The following IQSEC3 variants were observed in gnomAD, a reference collection of about 807,000 sequenced individuals.
IQSEC3 encodes the protein IQ motif and Sec7 domain ArfGEF 3.
In IQSEC3, 50 loss-of-function variants were observed where a neutral mutation model predicts 105.4. The ratio of observed to expected loss-of-function variants is 0.47; its 90% CI spans 0.38 to 0.60. The LOEUF (loss-of-function observed/expected upper bound fraction) is 0.60. Ranked by LOEUF, IQSEC3 falls within the 20% of genes least tolerant of loss-of-function variation. The probability of loss-of-function intolerance (pLI) is 0.00; values close to 1 mark genes in which losing one functional copy is unlikely to be tolerated. For missense variants in IQSEC3, 1,415 were observed against 1,630.0 expected, an observed-to-expected ratio of 0.87 and a Z score of 2.27; for synonymous variants, 708 against 746.0, an observed-to-expected ratio of 0.95 and a Z score of 0.83.
chr12:76,694 C>T (rs1374226806), intron 1 of IQSEC3, among the ~76,000 whole-genome samples: 2 of 152,260 alleles, frequency 1.3e-5, no homozygotes, highest in Non-Finnish European at 1.5e-5. Flanking sequence ...GCGTGAGCTC[C>T]TGGGAAGAAG....
chr12:169,867 T>C (rs768527627), intron 12 of IQSEC3, among the ~76,000 whole-genome samples: 5 of 152,182 alleles, frequency 3.3e-5, no homozygotes, highest in Non-Finnish European at 7.3e-5. Context: ...ATTAGTTAAC[T>C]CGGTCACTTA....
rs538975409 is a variant in IQSEC3, at chr12:138,714, G to A, written c.1351G>A (p.Ala451Thr). 10 of 1,505,460 alleles carry A rather than the reference G, an allele frequency of 6.6e-6. No individual in the cohort carries two copies. The East Asian group carries it at 2.0e-4, about 30-fold the overall frequency. The allele number at this position is 1,505,460 out of a possible 1,614,324, so 93.3% of individuals were successfully genotyped here. The change falls in exon 4 of 14, where the codon GCC becomes ACC. Residue 451 changes from alanine (A) to threonine (T), a missense_variant. Ala to Thr is a moderately conservative substitution (Grantham distance 58). Coordinates refer to ENST00000538872, the MANE Select transcript of IQSEC3 (RefSeq NM_001170738.2). The surrounding 1 kb of genome is among the most constrained non-coding windows in gnomAD (Gnocchi z 7.1). ...GGCCGCGGGGCCCCCAGGCCTGGAG[G>A]CCGAGGGGCGGGCGCCGGAGAGCGC... The part of the protein sequence containing the change: ...QAAAGPPGLE[A>T]EGRAPESAGP...
intron 1 of IQSEC3, among the ~76,000 whole-genome samples, chr12:76,108 A>G (rs1245522655): frequency 1.3e-5 from 2 of 151,346 alleles, no homozygotes; most frequent in African/African-American, 4.9e-5. Flanking sequence ...ACACACACAC[A>G]CACACACACA....
chr12:165,210 G>A (rs568211476), intron 9 of IQSEC3: 80 of 571,434 alleles, frequency 1.4e-4, no homozygotes, highest in African/African-American at 2.4e-4. Context: ...CTCAGGCGCC[G>A]TGGCTTGGCT....
chr12:172,245 C>T (rs555718272), intron 13 of IQSEC3, among the ~76,000 whole-genome samples: 64 of 151,690 alleles, frequency 4.2e-4, no homozygotes, highest in African/African-American at 1.0e-3. Flanking sequence ...CCCACACACC[C>T]GTGTCTGGAG....
chr12:165,705 G>C, intron 10 of IQSEC3, 24 bp from the exon 11 acceptor site: 1 of 1,611,188 alleles, frequency 6.2e-7, no homozygotes, highest in Non-Finnish European at 8.5e-7. Flanking sequence ...ACAGCCCACT[G>C]GGGGCCTGGG....
In IQSEC3 at chr12:99,218, G is replaced by GGAACT. The variant is rs1555075499; in HGVS notation, c.623+6_623+10dup. ...GCTCCGACCTGGCCTCCCAAAGGTG[G>GGAACT]GAACTGTGGCCCTTCCTCCCTTCCG... On this transcript the variant is annotated splice_donor_region_variant and intron_variant, in intron 2 of 13. Coordinates refer to ENST00000538872, the MANE Select transcript of IQSEC3 (RefSeq NM_001170738.2). 29 of 1,598,098 alleles carry GGAACT rather than the reference G, an allele frequency of 1.8e-5. No homozygotes were observed. The highest frequency in any genetic ancestry group is 2.5e-5 in the Non-Finnish European group (29 of 1,179,428).
chr12:135,144 G>GA (rs1268049874), intron 3 of IQSEC3, among the ~76,000 whole-genome samples: 1 of 152,058 alleles, frequency 6.6e-6, no homozygotes, highest in Non-Finnish European at 1.5e-5. Flanking sequence ...AAAAAAAAAA[G>GA]AAATGTGAAA....
In IQSEC3 at chr12:125,784, T is replaced by G; in HGVS notation, c.775T>G (p.Ser259Ala). The G allele has an allele frequency of 6.6e-7, 1 of 1,515,156 alleles. No individual in the cohort carries two copies. The highest frequency in any genetic ancestry group is 8.8e-7 in the Non-Finnish European group (1 of 1,138,366). 93.9% of individuals were successfully genotyped at this position (1,515,156 alleles called of 1,614,324 possible). The change falls in exon 3 of 14, where the codon TCC (serine) becomes GCC (alanine). Residue 259 changes from serine (S) to alanine (A), a missense_variant. This residue lies in a region of IQSEC3 where 720 missense variants were observed against 633.0 expected (regional missense o/e 1.14). Coordinates refer to ENST00000538872, the MANE Select transcript of IQSEC3 (RefSeq NM_001170738.2). ...EEERPGAGAA[S>A]PRAGPQHKAS... Reference sequence around the variant, plus strand: ...GGAGCGGCCGGGGGCAGGGGCTGCCTCCCCAAGGGCTGGCCCCCAGCACAA... The same window carrying G: ...GGAGCGGCCGGGGGCAGGGGCTGCCGCCCCAAGGGCTGGCCCCCAGCACAA...
At position 110,059 on chromosome 12, in the gene IQSEC3, G is replaced by A. The variant is rs376412863; in HGVS notation, c.623+10845G>A. 1.2e-3 allele frequency among the ~76,000 whole-genome samples: 189 copies of A among 152,306 alleles called. 2 individuals are homozygous for A. Among genetic ancestry groups the A allele is most frequent in the African/African-American group, 4.2e-3 (176 of 41,550 alleles). On this transcript the variant is annotated intron_variant, in intron 2 of 13. Transcript: ENST00000538872. ...AGCTTCCACACACAGTTGTGTGGCC[G>A]CCTCTCCCTTGCCTTCAGGGTCAGC...
At chr12:142,905 G>A (rs1281920634) in intron 5 of IQSEC3, among the ~76,000 whole-genome samples, 6 of 152,194 alleles carry the variant, frequency 3.9e-5, no homozygotes, top group Non-Finnish European at 5.9e-5. Context: ...TGCTGGCCCC[G>A]TAGCCCCAGG....
At chr12:130,510 C>T (rs1555084659) in intron 3 of IQSEC3, among the ~76,000 whole-genome samples, 1 of 152,202 alleles carries the variant, frequency 6.6e-6, no homozygotes, top group Non-Finnish European at 1.5e-5. Context: ...GGAACAGGCC[C>T]CATGGAAGTG....
At chr12:132,257 G>GC (rs1215580468) in intron 3 of IQSEC3, among the ~76,000 whole-genome samples, 2 of 152,288 alleles carry the variant, frequency 1.3e-5, no homozygotes, top group East Asian at 3.9e-4. Context: ...GAGTCCCCAA[G>GC]CAGGGAGCCT....
intron 2 of IQSEC3, among the ~76,000 whole-genome samples, chr12:103,369 TG>T (rs1864491185): frequency 8.9e-6 from 1 of 111,864 alleles, no homozygotes; most frequent in African/African-American, 3.6e-5. Flanking sequence ...GGAGGGGAGG[TG>T]GAGTTCAGGA....
chr12:70,035 G>C (rs1423088631), intron 1 of IQSEC3, among the ~76,000 whole-genome samples: 1 of 152,390 alleles, frequency 6.6e-6, no homozygotes, highest in African/African-American at 2.4e-5. Flanking sequence ...TGAAGCGGGA[G>C]GAAGAGATGG....
intron 5 of IQSEC3, among the ~76,000 whole-genome samples, chr12:142,908 G>GC (rs1866091250): frequency 6.6e-6 from 1 of 152,190 alleles, no homozygotes; most frequent in African/African-American, 2.4e-5. Flanking sequence ...TGGCCCCGTA[G>GC]CCCCAGGCAC....
At chr12:108,208 T>C (rs1205858598) in intron 2 of IQSEC3, among the ~76,000 whole-genome samples, 1 of 152,246 alleles carries the variant, frequency 6.6e-6, no homozygotes, top group Non-Finnish European at 1.5e-5. Flanking sequence ...TTTTAAAACT[T>C]GTTTGACCAG....
At chr12:125,429 C>T (rs999358574) in intron 2 of IQSEC3, among the ~76,000 whole-genome samples, 16 of 152,166 alleles carry the variant, frequency 1.1e-4, no homozygotes, top group Non-Finnish European at 4.4e-5. Context: ...TGAGCTGCCT[C>T]CCCAGGTGCG....
chr12:169,255 T>C lies in IQSEC3; in HGVS notation c.3064+150T>C, dbSNP rs556264773. 3 of 642,652 alleles carry C rather than the reference T, an allele frequency of 4.7e-6. No homozygotes were observed. In the South Asian group the frequency reaches 5.7e-5, roughly 12 times the overall value. 39.8% of individuals were successfully genotyped at this position (642,652 alleles called of 1,614,324 possible). ...AGCGCCAGGCTTGCCTTCTTTAATC[T>C]CATGAGCTTTAGTGGTGGGAGTGAG... On this transcript the variant is annotated intron_variant, in intron 12 of 13. Transcript: ENST00000538872.
Sources: allele counts gnomAD v4.1 joint callset (sites outside exome capture counted in the v4.1 genomes callset), GRCh38; gene constraint gnomAD v4.1.1; regional missense constraint gnomAD v4.1.1; non-coding constraint Gnocchi (gnomAD v3.1); transcripts MANE v1.5; gene names NCBI Gene and HGNC (gene_info 2026-07-23, HGNC 2026-07-21).